The following NDUFV2 variants were observed in gnomAD, a reference collection of about 807,000 sequenced individuals.
NDUFV2 encodes the protein NADH:ubiquinone oxidoreductase core subunit V2, also known as NADH dehydrogenase [ubiquinone] flavoprotein 2, mitochondrial.
In NDUFV2, 18 loss-of-function variants were observed where a neutral mutation model predicts 31.6. The observed-to-expected ratio is 0.57, with a 90% CI of 0.39 to 0.84. The LOEUF (loss-of-function observed/expected upper bound fraction) is 0.84, where lower values mean the gene tolerates loss of function less well. NDUFV2 is among the 40% of genes least tolerant of loss of function. NDUFV2 has a pLI of 0.00. For synonymous variants in NDUFV2, 83 were observed against 99.8 expected (o/e 0.83, Z 1.01); for missense variants, 314 against 303.6 (o/e 1.03, Z -0.26).
intron 5 of NDUFV2, among the ~76,000 whole-genome samples, chr18:9,124,447 CTTT>C (rs534490648): frequency 4.4e-5 from 5 of 113,388 alleles, no homozygotes; most frequent in Non-Finnish European, 5.6e-5. Context: ...TTTTAAAAAA[CTTT>C]TTTTTTTTTT....
chr18:9,119,042 C>G (rs1350589600), intron 2 of NDUFV2, among the ~76,000 whole-genome samples: 1 of 151,956 alleles, frequency 6.6e-6, no homozygotes, highest in East Asian at 1.9e-4. Flanking sequence ...TCTAATGAAG[C>G]TGGATAACAC....
chr18:9,125,728 G>T (rs886818021), intron 6 of NDUFV2, among the ~76,000 whole-genome samples: 1 of 152,034 alleles, frequency 6.6e-6, no homozygotes, highest in Non-Finnish European at 1.5e-5. Flanking sequence ...TGGAAATTTT[G>T]GAGGGACTGT....
At chr18:9,115,081 T>G (rs186111516) in intron 1 of NDUFV2, among the ~76,000 whole-genome samples, 39 of 152,344 alleles carry the variant, frequency 2.6e-4, no homozygotes, top group Admixed American at 2.2e-3. Flanking sequence ...ACAATAGAGA[T>G]AAGTTTTTCT....
intron 5 of NDUFV2, among the ~76,000 whole-genome samples, chr18:9,123,238 T>C (rs1273492039): frequency 6.6e-6 from 1 of 152,226 alleles, no homozygotes; most frequent in East Asian, 1.9e-4. Context: ...TATTTTGTTA[T>C]TGAATATAAT....
chr18:9,118,815 GTTTTTTT>G (rs71168030), intron 2 of NDUFV2, among the ~76,000 whole-genome samples: 3 of 76,762 alleles, frequency 3.9e-5, no homozygotes, highest in Non-Finnish European at 7.2e-5. Flanking sequence ...AGATGGTGCT[GTTTTTTT>G]TTTTTTTTTT....
At chr18:9,128,349 GA>G (rs1479166240) in intron 7 of NDUFV2, among the ~76,000 whole-genome samples, 1 of 152,184 alleles carries the variant, frequency 6.6e-6, no homozygotes, top group Admixed American at 6.5e-5. Context: ...TACTTAATGA[GA>G]AAATGAGGTC....
At chr18:9,127,950 C>G (rs1486043748) in intron 7 of NDUFV2, among the ~76,000 whole-genome samples, 1 of 152,160 alleles carries the variant, frequency 6.6e-6, no homozygotes, top group Non-Finnish European at 1.5e-5. Context: ...ACTATTTATC[C>G]AGGTTGCTCC....
chr18:9,111,628 C>G (rs931781625), intron 1 of NDUFV2, among the ~76,000 whole-genome samples: 3 of 151,900 alleles, frequency 2.0e-5, no homozygotes, highest in African/African-American at 7.3e-5. Flanking sequence ...GGGGTCTCAT[C>G]ATGTTGGCTA....
At chr18:9,130,210 G>A (rs1481596993) in intron 7 of NDUFV2, among the ~76,000 whole-genome samples, 1 of 152,092 alleles carries the variant, frequency 6.6e-6, no homozygotes, top group Admixed American at 6.5e-5. Context: ...TGACATTATC[G>A]GGGTGAAATT....
intron 1 of NDUFV2, chr18:9,104,304 T>A: frequency 6.2e-7 from 1 of 1,608,868 alleles, no homozygotes; most frequent in Non-Finnish European, 8.5e-7. Context: ...ACTAAAGAAT[T>A]TGATTTTAGA....
chr18:9,109,768 A>AT (rs2077860572), intron 1 of NDUFV2, among the ~76,000 whole-genome samples: 1 of 152,184 alleles, frequency 6.6e-6, no homozygotes, highest in African/African-American at 2.4e-5. Flanking sequence ...CTCACTACAG[A>AT]TTTTTTAGGA....
At chr18:9,117,122 T>G (rs2077902258) in intron 1 of NDUFV2, among the ~76,000 whole-genome samples, 1 of 151,912 alleles carries the variant, frequency 6.6e-6, no homozygotes, top group South Asian at 2.1e-4. Flanking sequence ...CTGCAACCTC[T>G]GCCTCCCAGG....
intron 1 of NDUFV2, among the ~76,000 whole-genome samples, chr18:9,108,387 C>A (rs2077852154): frequency 6.6e-6 from 1 of 152,174 alleles, no homozygotes; most frequent in African/African-American, 2.4e-5. Context: ...AAGGCATGTA[C>A]TGAAGTCAGG....
intron 1 of NDUFV2, among the ~76,000 whole-genome samples, chr18:9,108,091 GTTTTC>G (rs990281465): frequency 3.3e-5 from 5 of 152,122 alleles, no homozygotes; most frequent in Admixed American, 6.5e-5. Flanking sequence ...TCTAAAGAAT[GTTTTC>G]TTTAATATAT....
At chr18:9,118,971 A>G (rs1363922955) in intron 2 of NDUFV2, among the ~76,000 whole-genome samples, 1 of 151,988 alleles carries the variant, frequency 6.6e-6, no homozygotes, top group Non-Finnish European at 1.5e-5. Context: ...TTGTGTTTTA[A>G]TTTCATAAAG....
At chr18:9,104,942 A>G in intron 1 of NDUFV2, 1 of 1,549,506 alleles carries the variant, frequency 6.5e-7, no homozygotes, top group East Asian at 2.3e-5. Flanking sequence ...TACACATAAC[A>G]GACCTTACAG....
At position 9,126,882 on chromosome 18, in the gene NDUFV2, G is replaced by C. The variant is rs1272916178; in HGVS notation, c.631G>C (p.Gly211Arg). ...AGAAATTATTGATGAGCTCAAGGCT[G>C]GCAAAATCCCAAAACCAGGGCCAAG... ...IEEIIDELKA[G>R]KIPKPGPRSG... Residue 211 changes from glycine (G) to arginine (R), a missense_variant, in exon 7 of 8, where the codon GGC becomes CGC. By Grantham distance (125) the Gly-to-Arg change is moderately radical. Transcript: ENST00000318388. 6.2e-7 allele frequency: 1 copy of C among 1,613,750 alleles called. No homozygotes were observed. The highest frequency in any genetic ancestry group is 1.7e-5 in the Admixed American group (1 of 60,002).
chr18:9,127,198 CCTCT>C (rs532058767), intron 7 of NDUFV2, among the ~76,000 whole-genome samples: 24 of 152,124 alleles, frequency 1.6e-4, no homozygotes, highest in South Asian at 8.3e-4. Flanking sequence ...AGACCATCTC[CCTCT>C]AATTTCTACC....
At chr18:9,117,780 T>C in intron 1 of NDUFV2, 58 bp from the exon 2 acceptor site, 4 of 959,486 alleles carry the variant, frequency 4.2e-6, no homozygotes, top group Non-Finnish European at 6.8e-6. Context: ...AGTATTTCTT[T>C]ATGAAAAATT....
Sources: gnomAD v4.1 joint callset for allele counts (sites outside exome capture counted in the v4.1 genomes callset) on GRCh38, gnomAD v4.1.1 for gene constraint, MANE v1.5 for transcripts, NCBI Gene and HGNC (gene_info 2026-07-23, HGNC 2026-07-21) for gene names.